The following GAPVD1 variants were observed in gnomAD, a reference collection of about 807,000 sequenced individuals.
GAPVD1 encodes the protein GTPase-activating protein and VPS9 domain-containing protein 1.
In GAPVD1, 35 loss-of-function variants were observed where a neutral mutation model predicts 155.5. The observed-to-expected ratio is 0.23, with a 90% CI of 0.17 to 0.30. The LOEUF (loss-of-function observed/expected upper bound fraction) is 0.30, where lower values mean the gene tolerates loss of function less well. Ranked by LOEUF, GAPVD1 falls within the 10% of genes least tolerant of loss-of-function variation. The probability of loss-of-function intolerance (pLI) is 1.00; values close to 1 mark genes in which losing one functional copy is unlikely to be tolerated. For synonymous variants in GAPVD1, 636 were observed against 619.7 expected (o/e 1.03, Z -0.39); for missense variants, 1,429 against 1,775.7 (o/e 0.80, Z 3.51).
intron 2 of GAPVD1, among the ~76,000 whole-genome samples, chr9:125,294,040 G>A (rs1412676135): frequency 1.3e-5 from 2 of 150,632 alleles, no homozygotes; most frequent in East Asian, 3.9e-4. Context: ...AGCCTCCCTA[G>A]TAGCTGGGAC....
intron 19 of GAPVD1, among the ~76,000 whole-genome samples, chr9:125,345,402 A>T (rs1470147494): frequency 6.6e-6 from 1 of 152,118 alleles, no homozygotes; most frequent in Non-Finnish European, 1.5e-5. Context: ...GCTGGTCTCG[A>T]ACTCCTGACC....
At chr9:125,312,658 A>C (rs762191834) in intron 9 of GAPVD1, 46 bp downstream of exon 9, 12 of 1,409,456 alleles carry the variant, frequency 8.5e-6, no homozygotes, top group Admixed American at 2.5e-5. Flanking sequence ...GTCTTAGTCC[A>C]TACAGGCTGC....
chr9:125,286,475 GT>G (rs562488032), intron 2 of GAPVD1, among the ~76,000 whole-genome samples: 75 of 145,184 alleles, frequency 5.2e-4, no homozygotes, highest in African/African-American at 9.3e-4. Context: ...TCAAAGTCTA[GT>G]TTTTTTTTTT....
chr9:125,278,962 A>G (rs1181799522), intron 2 of GAPVD1, among the ~76,000 whole-genome samples: 1 of 152,160 alleles, frequency 6.6e-6, no homozygotes, highest in African/African-American at 2.4e-5. Context: ...CTGTAATCCT[A>G]GCACTTTGGG....
chr9:125,264,359 T>G (rs1049868683), intron 1 of GAPVD1, among the ~76,000 whole-genome samples: 2 of 152,128 alleles, frequency 1.3e-5, no homozygotes, highest in African/African-American at 4.8e-5. Flanking sequence ...CACGCCTGGA[T>G]AATTTTTATA....
At chr9:125,273,145 A>G (rs1835185850) in intron 2 of GAPVD1, among the ~76,000 whole-genome samples, 1 of 152,216 alleles carries the variant, frequency 6.6e-6, no homozygotes, top group Non-Finnish European at 1.5e-5. Flanking sequence ...TTGTTAAATT[A>G]GATTTGGTGG....
At chr9:125,275,831 T>C (rs1349141804) in intron 2 of GAPVD1, among the ~76,000 whole-genome samples, 2 of 152,164 alleles carry the variant, frequency 1.3e-5, no homozygotes, top group African/African-American at 4.8e-5. Context: ...ATATAAAAAG[T>C]CAAGGTTTTT....
At chr9:125,343,698 GCA>G (rs1564441803) in intron 19 of GAPVD1, among the ~76,000 whole-genome samples, 1 of 152,206 alleles carries the variant, frequency 6.6e-6, no homozygotes. Context: ...CTCATGCCAG[GCA>G]CTGTGCTAAG....
At chr9:125,329,716 A>G (rs1588981591) in intron 12 of GAPVD1, among the ~76,000 whole-genome samples, 1 of 150,830 alleles carries the variant, frequency 6.6e-6, no homozygotes, top group Non-Finnish European at 1.5e-5. Flanking sequence ...CACATTGACC[A>G]GGTTGGAGGG....
In GAPVD1 at chr9:125,338,128, C is replaced by T. The variant is rs1202111104; in HGVS notation, c.2877+537C>T. Among the ~76,000 whole-genome samples, 6 of 152,194 alleles carry T rather than the reference C, an allele frequency of 3.9e-5. No homozygotes were observed. The East Asian group carries it at 1.2e-3, about 29-fold the overall frequency. ...TGACCTTGTGATCCGCCTGCCTTGGCCTCCCAGAGTTGCTGGGATTACAGG... is the reference window on the plus strand; with the variant it reads ...TGACCTTGTGATCCGCCTGCCTTGGTCTCCCAGAGTTGCTGGGATTACAGG... On this transcript the variant is annotated intron_variant, in intron 17 of 27. Coordinates refer to ENST00000297933, the MANE Select transcript of GAPVD1 (RefSeq NM_001282680.3).
rs754063594 is a variant in GAPVD1 at position 125,337,059 on chromosome 9, C to T, written c.2470C>T (p.Leu824=). The T allele has an allele frequency of 3.7e-6, 6 of 1,613,366 alleles. No individual in the cohort carries two copies. In the South Asian group the frequency reaches 6.6e-5, roughly 18 times the overall value. ...LTSPPSQSES[L]LAMFDPLSSH... is the part of the protein sequence containing the mutation. ...CTCTCCTCCTTCTCAGTCAGAGTCT[C>T]TGCTGGCCATGTTTGATCCACTGTC... The change falls in exon 16 of 28, where the codon CTG becomes TTG. Residue 824 remains leucine (L), a synonymous_variant. Coordinates refer to ENST00000297933, the MANE Select transcript of GAPVD1 (RefSeq NM_001282680.3).
chr9:125,360,031 A>C (rs1850685455), intron 26 of GAPVD1, among the ~76,000 whole-genome samples: 1 of 152,142 alleles, frequency 6.6e-6, no homozygotes, highest in South Asian at 2.1e-4. Flanking sequence ...TAAAATTTTA[A>C]ATTATCTTTA....
rs186282199 is a variant in GAPVD1 at position 125,343,548 on chromosome 9, G to A, written c.3046+1249G>A. On this transcript the variant is annotated intron_variant, in intron 19 of 27. Transcript: ENST00000297933. ...TGTATTTCCATATCCTAGCATATAA[G>A]TCCTTGCTTTATTTGAAATGGTGAT... Among the ~76,000 whole-genome samples the A allele has an allele frequency of 7.2e-4, 109 of 152,206 alleles. No homozygotes were observed. The East Asian group carries it at 0.02, about 28-fold the overall frequency.
intron 13 of GAPVD1, among the ~76,000 whole-genome samples, chr9:125,330,931 A>G (rs1845978038): frequency 6.6e-6 from 1 of 152,184 alleles, no homozygotes; most frequent in South Asian, 2.1e-4. Context: ...ACTCTCTAAA[A>G]CATGCTTAAT....
At chr9:125,357,586 TGA>T (rs893171874) in intron 25 of GAPVD1, among the ~76,000 whole-genome samples, 4 of 149,198 alleles carry the variant, frequency 2.7e-5, no homozygotes, top group East Asian at 4.1e-4. Flanking sequence ...CTAAAAAAAA[TGA>T]GAGAGAGAGA....
intron 2 of GAPVD1, among the ~76,000 whole-genome samples, chr9:125,275,807 A>G (rs1017326891): frequency 6.6e-6 from 1 of 152,178 alleles, no homozygotes; most frequent in Non-Finnish European, 1.5e-5. Flanking sequence ...TTTCATTAGT[A>G]ATGATTTCAA....
intron 2 of GAPVD1, among the ~76,000 whole-genome samples, chr9:125,274,741 C>T (rs1179784324): frequency 1.3e-5 from 2 of 152,110 alleles, no homozygotes; most frequent in South Asian, 4.1e-4. Flanking sequence ...GGATTATAGG[C>T]GTGAGCCACT....
At position 125,360,519 on chromosome 9, in the gene GAPVD1, C is replaced by G. The variant is rs770007861; in HGVS notation, c.4045-9C>G. The G allele has an allele frequency of 3.1e-6, 5 of 1,610,550 alleles. No individual in the cohort carries two copies. Among genetic ancestry groups the G allele is most frequent in the Non-Finnish European group, 2.5e-6 (3 of 1,177,026 alleles). The stretch of plus-strand genomic sequence containing the variant: ...TCAGAATCTGTATATTGTCTATGGT[C>G]TCACTTAGGTTTATCTTCGAGAAGC... On this transcript the variant is annotated splice_polypyrimidine_tract_variant and intron_variant, in intron 26 of 27. Coordinates refer to ENST00000297933, the MANE Select transcript of GAPVD1 (RefSeq NM_001282680.3).
chr9:125,301,631 A>T (rs967372029), intron 4 of GAPVD1, among the ~76,000 whole-genome samples: 1 of 150,856 alleles, frequency 6.6e-6, no homozygotes, highest in Non-Finnish European at 1.5e-5. Flanking sequence ...GTATTTTTAG[A>T]AGAAATGGGA....
Sources: gnomAD v4.1 joint callset for allele counts (sites outside exome capture counted in the v4.1 genomes callset) on GRCh38, gnomAD v4.1.1 for gene constraint, MANE v1.5 for transcripts, NCBI Gene and HGNC (gene_info 2026-07-23, HGNC 2026-07-21) for gene names.